The following BMP6 variants were observed in gnomAD, a reference collection of about 807,000 sequenced individuals.
BMP6 encodes the protein bone morphogenetic protein 6.
In BMP6, 17 loss-of-function variants were observed where a neutral mutation model predicts 54.1. The ratio of observed to expected loss-of-function variants is 0.31; its 90% CI spans 0.22 to 0.47. The LOEUF (loss-of-function observed/expected upper bound fraction) is 0.47. Among genes scored for constraint, BMP6 ranks in the 20% least tolerant of loss-of-function variants. The pLI, the probability that BMP6 is intolerant of heterozygous loss-of-function variation, is 1.00. For missense variants in BMP6, 720 were observed against 690.4 expected (o/e 1.04, Z -0.48); for synonymous variants, 328 against 291.2 (o/e 1.13, Z -1.28).
rs140709211 is a variant in BMP6 at position 7,846,038 on chromosome 6, G to A, written c.857+706G>A. Reference sequence around the variant, plus strand: ...CCAATACACAGAAGCCAATGACCTCGAATTTTGCTTAGTATTTAGGGGTCA... The same window carrying A: ...CCAATACACAGAAGCCAATGACCTCAAATTTTGCTTAGTATTTAGGGGTCA... On this transcript the variant is annotated intron_variant, in intron 2 of 6. Coordinates refer to ENST00000283147, the MANE Select transcript of BMP6 (RefSeq NM_001718.6). Among the ~76,000 whole-genome samples, 189 of 152,286 alleles carry A rather than the reference G, an allele frequency of 1.2e-3. No individual in the cohort carries two copies. The Middle Eastern group carries it at 0.014, about 11-fold the overall frequency.
intron 1 of BMP6, among the ~76,000 whole-genome samples, chr6:7,793,402 A>G (rs1275484668): frequency 1.3e-5 from 2 of 152,168 alleles, no homozygotes; most frequent in Non-Finnish European, 2.9e-5. Flanking sequence ...AGCCCACATG[A>G]TTTTTAGCAC....
Position 7,807,240 on chromosome 6 carries a change from A to G in BMP6, c.665-37900A>G, listed in dbSNP as rs1235374785. 5.3e-5 allele frequency among the ~76,000 whole-genome samples: 8 copies of G among 152,148 alleles called. No individual in the cohort carries two copies. The South Asian group carries it at 8.3e-4, about 16-fold the overall frequency. ...GGCAGCAGTTCTCAAAGTGTGGTCC[A>G]TGGACCAGCAGCATCAGCATCTCCT... On this transcript the variant is annotated intron_variant, in intron 1 of 6. Coordinates refer to ENST00000283147, the MANE Select transcript of BMP6 (RefSeq NM_001718.6).
At chr6:7,757,064 C>T (rs1757525556) in intron 1 of BMP6, among the ~76,000 whole-genome samples, 1 of 152,182 alleles carries the variant, frequency 6.6e-6, no homozygotes, top group Non-Finnish European at 1.5e-5. Context: ...ATTTAGATGC[C>T]TTGGCCTTCC....
chr6:7,756,049 C>G (rs1170472232), intron 1 of BMP6, among the ~76,000 whole-genome samples: 1 of 151,966 alleles, frequency 6.6e-6, no homozygotes, highest in African/African-American at 2.4e-5. Flanking sequence ...GAGTTTCTAT[C>G]TGTGAGTTTA....
At chr6:7,728,320 G>T (rs1761785861) in intron 1 of BMP6, among the ~76,000 whole-genome samples, 1 of 152,216 alleles carries the variant, frequency 6.6e-6, no homozygotes, top group African/African-American at 2.4e-5. Context: ...GTCCCCAAAG[G>T]CTGAACCTTT....
At chr6:7,815,821 A>G (rs887200706) in intron 1 of BMP6, among the ~76,000 whole-genome samples, 1 of 152,240 alleles carries the variant, frequency 6.6e-6, no homozygotes, top group Non-Finnish European at 1.5e-5. Flanking sequence ...GCTTCGTGTT[A>G]ACATTTTCCT....
chr6:7,774,288 G>A (rs1561767710), intron 1 of BMP6, among the ~76,000 whole-genome samples: 3 of 152,108 alleles, frequency 2.0e-5, no homozygotes, highest in Non-Finnish European at 4.4e-5. Flanking sequence ...GGTGGCTCAC[G>A]CCGGTAATCC....
At chr6:7,795,836 A>G (rs569236817) in intron 1 of BMP6, among the ~76,000 whole-genome samples, 30 of 151,872 alleles carry the variant, frequency 2.0e-4, no homozygotes, top group Admixed American at 1.8e-3. Flanking sequence ...GTTGAAGGTG[A>G]CTCCTGGGCA....
chr6:7,733,439 A>G (rs1400806507), intron 1 of BMP6, among the ~76,000 whole-genome samples: 4 of 152,194 alleles, frequency 2.6e-5, no homozygotes, highest in Non-Finnish European at 5.9e-5. Context: ...GAAACTCCCT[A>G]AGATAGGAAT....
chr6:7,730,797 T>C (rs1761840696), intron 1 of BMP6, among the ~76,000 whole-genome samples: 1 of 152,204 alleles, frequency 6.6e-6, no homozygotes, highest in South Asian at 2.1e-4. Context: ...ATTACCTGAC[T>C]CATCTATTAA....
intron 1 of BMP6, among the ~76,000 whole-genome samples, chr6:7,753,766 C>T (rs1204913326): frequency 1.3e-5 from 2 of 152,214 alleles, no homozygotes; most frequent in Non-Finnish European, 2.9e-5. Flanking sequence ...TTTCGTCTAA[C>T]ATCAATTTTT....
intron 1 of BMP6, among the ~76,000 whole-genome samples, chr6:7,837,637 C>T (rs776989199): frequency 1.6e-4 from 24 of 151,918 alleles, no homozygotes; most frequent in Non-Finnish European, 2.6e-4. Flanking sequence ...TTTGAGGACT[C>T]GGGGGAAGAC....
At chr6:7,850,883 ACTAT>A (rs561215259) in intron 2 of BMP6, among the ~76,000 whole-genome samples, 137 of 152,366 alleles carry the variant, frequency 9.0e-4, no homozygotes, top group African/African-American at 3.3e-3. Context: ...TATTGAAAAT[ACTAT>A]CTTTTTCTCA....
intron 1 of BMP6, among the ~76,000 whole-genome samples, chr6:7,827,327 G>GAGTAT (rs1172247552): frequency 7.9e-5 from 12 of 152,176 alleles, no homozygotes; most frequent in African/African-American, 2.7e-4. Context: ...ACTTTATACT[G>GAGTAT]AGATACTCTC....
rs1759693408 is a variant in BMP6 at position 7,880,253 on chromosome 6, T to C, written c.1452T>C (p.Asn484=). ...PKPCCAPTKL[N]AISVLYFDDN... ...CGTGCTGTGCGCCAACTAAGCTAAA[T>C]GCCATCTCGGTTCTTTACTTTGATG... Residue 484 remains asparagine, a synonymous_variant, in exon 7 of 7, where the codon AAT becomes AAC. Coordinates refer to ENST00000283147, the MANE Select transcript of BMP6 (RefSeq NM_001718.6). 6.2e-7 allele frequency: 1 copy of C among 1,614,172 alleles called. No individual in the cohort carries two copies. Among genetic ancestry groups the C allele is most frequent in the Non-Finnish European group, 8.5e-7 (1 of 1,180,030 alleles).
At chr6:7,797,077 C>T (rs776015883) in intron 1 of BMP6, among the ~76,000 whole-genome samples, 1 of 152,168 alleles carries the variant, frequency 6.6e-6, no homozygotes, top group African/African-American at 2.4e-5. Context: ...TAAGTACTAC[C>T]TATTTGTAAT....
chr6:7,727,356 T>A lies in BMP6; in HGVS notation c.401T>A (p.Leu134His). ...PPPGRLKSAP[L>H]FMLDLYNALS... ...CCCGGGCGACTGAAGTCCGCGCCCCTCTTCATGCTGGATCTGTACAACGCC... is the reference window on the plus strand; with the variant it reads ...CCCGGGCGACTGAAGTCCGCGCCCCACTTCATGCTGGATCTGTACAACGCC... The change falls in exon 1 of 7, where the codon CTC becomes CAC. Residue 134 changes from leucine (L) to histidine (H), a missense_variant. Leu to His is a moderately conservative substitution (Grantham distance 99, BLOSUM62 -3). Around this residue, in one of 3 missense-constraint regions of BMP6, gnomAD observed 650 missense variants for 556.3 expected, o/e 1.17. Transcript: ENST00000283147. 1 of 1,609,912 alleles carries A rather than the reference T, an allele frequency of 6.2e-7. No individual in the cohort carries two copies. Among genetic ancestry groups the A allele is most frequent in the Non-Finnish European group, 8.5e-7 (1 of 1,178,822 alleles).
chr6:7,728,626 GT>G (rs1291211496), intron 1 of BMP6, among the ~76,000 whole-genome samples: 8 of 152,174 alleles, frequency 5.3e-5, no homozygotes, highest in Non-Finnish European at 8.8e-5. Flanking sequence ...AGCTGACTTA[GT>G]TTAGCGCAGA....
At chr6:7,871,366 C>A (rs1270694909) in intron 4 of BMP6, among the ~76,000 whole-genome samples, 1 of 152,246 alleles carries the variant, frequency 6.6e-6, no homozygotes, top group Admixed American at 6.5e-5. Context: ...ATTCTCAAAG[C>A]TCAGAAATCT....
Sources: allele counts gnomAD v4.1 joint callset (sites outside exome capture counted in the v4.1 genomes callset), GRCh38; gene constraint gnomAD v4.1.1; regional missense constraint gnomAD v4.1.1; transcripts MANE v1.5; gene names NCBI Gene and HGNC (gene_info 2026-07-23, HGNC 2026-07-21).